The following CCNY variants were observed in gnomAD, a reference collection of about 807,000 sequenced individuals.
The protein encoded by CCNY is cyclin-Y.
Under a neutral mutation model 42.8 loss-of-function variants are expected in CCNY, and 19 were observed. That is an observed-to-expected ratio of 0.44 (90% CI 0.31 to 0.65). CCNY has a LOEUF of 0.65. Among genes scored for constraint, CCNY ranks in the 30% least tolerant of loss-of-function variants. The pLI is 0.07. For missense variants in CCNY, 370 were observed against 437.3 expected (o/e 0.85, Z 1.37); for synonymous variants, 165 against 162.7 (o/e 1.01, Z -0.11).
intron 7 of CCNY, among the ~76,000 whole-genome samples, chr10:35,545,451 T>C (rs1841092696): frequency 6.6e-6 from 1 of 152,202 alleles, no homozygotes; most frequent in South Asian, 2.1e-4. Flanking sequence ...CGTATTACAA[T>C]GTGTGGGTGC....
intron 3 of CCNY, among the ~76,000 whole-genome samples, chr10:35,260,471 G>A (rs1263230906): frequency 2.6e-5 from 4 of 152,156 alleles, no homozygotes; most frequent in Admixed American, 6.5e-5. Context: ...CTGGGACCCC[G>A]ATCAGGGATC....
intron 1 of CCNY, among the ~76,000 whole-genome samples, chr10:35,358,483 A>G (rs191693492): frequency 2.0e-5 from 3 of 152,336 alleles, no homozygotes; most frequent in Admixed American, 6.5e-5. Context: ...GAACAAATGA[A>G]GTTGAAAAGA....
intron 1 of CCNY, among the ~76,000 whole-genome samples, chr10:35,471,479 A>G (rs192404051): frequency 5.3e-5 from 8 of 152,248 alleles, no homozygotes. Flanking sequence ...TTAAAAGCCA[A>G]GATGAGCAAT....
intron 3 of CCNY, among the ~76,000 whole-genome samples, chr10:35,298,598 T>G (rs1054061151): frequency 3.9e-5 from 6 of 152,144 alleles, no homozygotes. Context: ...TCACTGCAGC[T>G]TCAAACTCCT....
chr10:35,341,281 T>C (rs1191224021), intron 1 of CCNY, among the ~76,000 whole-genome samples: 1 of 152,200 alleles, frequency 6.6e-6, no homozygotes, highest in Non-Finnish European at 1.5e-5. Flanking sequence ...GTGTCCTCCA[T>C]GTGCTCTCTT....
intron 9 of CCNY, chr10:35,566,414 G>C (rs1841573223): frequency 4.4e-6 from 2 of 456,900 alleles, no homozygotes; most frequent in South Asian, 6.7e-5. Flanking sequence ...GTGCGATCTT[G>C]GCCCATTGCA....
chr10:35,449,975 T>C (rs1838881397), intron 1 of CCNY, among the ~76,000 whole-genome samples: 1 of 152,218 alleles, frequency 6.6e-6, no homozygotes, highest in Non-Finnish European at 1.5e-5. Context: ...TGTGTACAGC[T>C]GCTTGGGGCA....
At chr10:35,561,688 A>G (rs557619744) in intron 8 of CCNY, among the ~76,000 whole-genome samples, 3 of 152,180 alleles carry the variant, frequency 2.0e-5, no homozygotes, top group African/African-American at 7.2e-5. Flanking sequence ...GGTATTTTTG[A>G]CCATAGGCTA....
intron 3 of CCNY, among the ~76,000 whole-genome samples, chr10:35,259,561 G>A (rs2095718030): frequency 1.5e-5 from 2 of 136,408 alleles, no homozygotes; most frequent in Non-Finnish European, 3.1e-5. Context: ...GGAGTGCAGT[G>A]GCATGATCTT....
In CCNY at chr10:35,570,911, A is replaced by G. The variant is rs548686911; in HGVS notation, c.*1741A>G. The stretch of plus-strand genomic sequence containing the variant: ...CACAGCCTTTCTGACCCAAACTTTC[A>G]AAAGCAAATAAACAGCATATAAAAC... On this transcript the variant is annotated 3_prime_UTR_variant, in exon 10 of 10. Transcript: ENST00000374704. 5.3e-5 allele frequency: 8 copies of G among 152,380 alleles called. No individual in the cohort carries two copies. Among genetic ancestry groups the G allele is most frequent in the Non-Finnish European group, 1.2e-4 (8 of 68,044 alleles). The allele number at this position is 152,380 out of a possible 1,614,324, so 9.4% of individuals were successfully genotyped here. A position where few individuals can be genotyped will look rare whatever the true frequency, so the allele number is the denominator to read the frequency against.
At chr10:35,551,198 A>C (rs1841249420) in intron 7 of CCNY, among the ~76,000 whole-genome samples, 1 of 152,110 alleles carries the variant, frequency 6.6e-6, no homozygotes, top group Non-Finnish European at 1.5e-5. Flanking sequence ...TCTCCCAATC[A>C]GTGTTAATTA....
rs146763627 is a variant in CCNY at position 35,256,303 on chromosome 10, A to AT, written c.-9+5684dup. On this transcript the variant is annotated intron_variant, in intron 3 of 11. Coordinates refer to the CCNY transcript ENST00000374706. ...CCTTACTATCTTTTGTGTTTACTTG[A>AT]TTTTTTTATAGTGGAACATCTAAGT... is the stretch of plus-strand genomic sequence containing the variant. 7.6e-4 allele frequency among the ~76,000 whole-genome samples: 115 copies of AT among 151,786 alleles called. No homozygotes were observed. The East Asian group carries it at 0.018, about 23-fold the overall frequency.
chr10:35,566,038 A>G lies in CCNY; in HGVS notation c.762A>G (p.Arg254=). The part of the protein sequence containing the change: ...ITVEDMNELE[R]QFLELLQFNI... ...TGCTTTGCAGGAACGAGCTAGAGCGACAGTTTCTTGAATTGCTGCAGTTCA... is the reference window on the plus strand; with the variant it reads ...TGCTTTGCAGGAACGAGCTAGAGCGGCAGTTTCTTGAATTGCTGCAGTTCA... Residue 254 remains arginine, a synonymous_variant, in exon 9 of 10, where the codon CGA becomes CGG. Transcript: ENST00000374704. 3 of 1,613,924 alleles carry G rather than the reference A, an allele frequency of 1.9e-6. No homozygotes were observed. Among genetic ancestry groups the G allele is most frequent in the Non-Finnish European group, 2.5e-6 (3 of 1,179,932 alleles).
At chr10:35,264,564 C>T (rs1313673447) in intron 3 of CCNY, among the ~76,000 whole-genome samples, 1 of 152,070 alleles carries the variant, frequency 6.6e-6, no homozygotes, top group African/African-American at 2.4e-5. Flanking sequence ...CTCTAATGAT[C>T]AGTATTGTTG....
intron 1 of CCNY, among the ~76,000 whole-genome samples, chr10:35,475,980 G>A (rs1056527502): frequency 5.3e-5 from 8 of 152,122 alleles, no homozygotes; most frequent in African/African-American, 1.4e-4. Context: ...AAAGGCAGGG[G>A]TTGCAATCCT....
intron 3 of CCNY, among the ~76,000 whole-genome samples, chr10:35,508,575 G>C (rs768995095): frequency 2.6e-5 from 4 of 152,152 alleles, no homozygotes; most frequent in Non-Finnish European, 4.4e-5. Context: ...TGCTGCTGGG[G>C]TGCTATTGCT....
intron 2 of CCNY, among the ~76,000 whole-genome samples, chr10:35,495,102 C>T (rs952934627): frequency 6.6e-6 from 1 of 152,170 alleles, no homozygotes; most frequent in African/African-American, 2.4e-5. Flanking sequence ...CCTAAATCCA[C>T]AATACTTCTG....
chr10:35,346,625 A>T (rs555165081), intron 1 of CCNY, among the ~76,000 whole-genome samples: 1 of 152,130 alleles, frequency 6.6e-6, no homozygotes, highest in Admixed American at 6.5e-5. Context: ...TGGACATTCT[A>T]TACATTAGGT....
At chr10:35,489,144 G>A (rs958316863) in intron 2 of CCNY, among the ~76,000 whole-genome samples, 1 of 152,060 alleles carries the variant, frequency 6.6e-6, no homozygotes, top group African/African-American at 2.4e-5. Flanking sequence ...GGGCGTGGTG[G>A]CAGGTGCCTG....
Sources: gnomAD v4.1 joint callset for allele counts (sites outside exome capture counted in the v4.1 genomes callset) on GRCh38, gnomAD v4.1.1 for gene constraint, MANE v1.5 for transcripts, NCBI Gene and HGNC (gene_info 2026-07-23, HGNC 2026-07-21) for gene names.